SNAP47: variants seen among roughly 807,000 people sequenced by gnomAD.
SNAP47 encodes synaptosomal-associated protein 47.
Under a neutral mutation model 31.4 loss-of-function variants are expected in SNAP47, and 20 were observed. The observed-to-expected ratio is 0.64, with a 90% CI of 0.45 to 0.93. The LOEUF (loss-of-function observed/expected upper bound fraction) is 0.93, where lower values mean the gene tolerates loss of function less well. SNAP47 is among the 40% of genes least tolerant of loss of function. The probability of loss-of-function intolerance (pLI) is 0.00; values close to 1 mark genes in which losing one functional copy is unlikely to be tolerated. For missense variants in SNAP47, 492 were observed against 528.5 expected, an observed-to-expected ratio of 0.93 and a Z score of 0.68; for synonymous variants, 194 against 213.4, an observed-to-expected ratio of 0.91 and a Z score of 0.79.
At chr1:227,733,704 T>C, upstream of SNAP47, 1 of 1,598,972 alleles carries the variant, frequency 6.3e-7, no homozygotes, top group East Asian at 2.2e-5. Flanking sequence ...GAGCGCCTGG[T>C]TCATGCCTGT....
At chr1:227,734,838 A>T, upstream of SNAP47, 2 of 1,613,034 alleles carry the variant, frequency 1.2e-6, no homozygotes, top group Non-Finnish European at 1.7e-6. Context: ...GGCACGGTCC[A>T]TGCCATCTCC....
At chr1:227,755,369 G>A (rs929018307) in intron 2 of SNAP47, among the ~76,000 whole-genome samples, 4 of 151,770 alleles carry the variant, frequency 2.6e-5, no homozygotes, top group African/African-American at 4.9e-5. Context: ...TGTCTGGCTA[G>A]TTTTGTTTTC....
intron 4 of SNAP47, among the ~76,000 whole-genome samples, chr1:227,770,279 G>T (rs1663711968): frequency 6.6e-6 from 1 of 152,224 alleles, no homozygotes; most frequent in African/African-American, 2.4e-5. Flanking sequence ...GCCGAGCCTG[G>T]TGCTGGGACG....
At chr1:227,732,295 GC>G, upstream of SNAP47, 1 of 1,412,012 alleles carries the variant, frequency 7.1e-7, no homozygotes, top group Non-Finnish European at 9.8e-7. Flanking sequence ...ACAGGGGTGG[GC>G]CCCAGGTCAC....
intron 1 of SNAP47, among the ~76,000 whole-genome samples, chr1:227,740,160 G>A (rs1002488179): frequency 6.6e-6 from 1 of 152,230 alleles, no homozygotes; most frequent in Non-Finnish European, 1.5e-5. Flanking sequence ...TTAGGAAGGC[G>A]AGGAAGCCCT....
chr1:227,780,764 G>A lies in SNAP47; in HGVS notation c.*91G>A. 2 of 1,548,402 alleles carry A rather than the reference G, an allele frequency of 1.3e-6. No individual in the cohort carries two copies. The highest frequency in any genetic ancestry group is 8.7e-7 in the Non-Finnish European group (1 of 1,143,394). On this transcript the variant is annotated 3_prime_UTR_variant, in exon 5 of 5. Transcript: ENST00000617596. ...AGTGCCAGGGCTGCAGAGGCCTGTG[G>A]CCCTCCGGAGTGGTCTTCCTCTGGA... is the stretch of plus-strand genomic sequence containing the variant.
intron 2 of SNAP47, among the ~76,000 whole-genome samples, chr1:227,758,591 C>T (rs116441613): frequency 0.01 from 1,548 of 152,328 alleles, 17 homozygotes; most frequent in African/African-American, 0.032. Context: ...GTGCCTGCTA[C>T]AGTATGGACA....
rs144900437 is a variant in SNAP47, at chr1:227,767,702, G to A, written c.1113+619G>A. Among the ~76,000 whole-genome samples the A allele has an allele frequency of 4.4e-3, 664 of 152,278 alleles. 2 individuals are homozygous for A. The highest frequency in any genetic ancestry group is 0.015 in the African/African-American group (626 of 41,552). ...TATGTGCATGTCTTGTGTGTGGAGCGTGCATGTACTGTACATGTATGTGTA... is the reference window on the plus strand; with the variant it reads ...TATGTGCATGTCTTGTGTGTGGAGCATGCATGTACTGTACATGTATGTGTA... On this transcript the variant is annotated intron_variant, in intron 4 of 4. Coordinates refer to ENST00000617596, the MANE Select transcript of SNAP47 (RefSeq NM_053052.4).
intron 2 of SNAP47, among the ~76,000 whole-genome samples, chr1:227,755,061 CCCT>C (rs777428886): frequency 6.6e-6 from 1 of 152,134 alleles, no homozygotes; most frequent in Non-Finnish European, 1.5e-5. Flanking sequence ...CCTCATTATG[CCCT>C]CCTCCTCCTG....
At chr1:227,767,363 T>C (rs1663482013) in intron 4 of SNAP47, among the ~76,000 whole-genome samples, 1 of 152,206 alleles carries the variant, frequency 6.6e-6, no homozygotes, top group Non-Finnish European at 1.5e-5. Flanking sequence ...CCATTGTACA[T>C]GTCCGTGTGT....
intron 4 of SNAP47, among the ~76,000 whole-genome samples, chr1:227,774,216 C>T (rs1329482468): frequency 1.3e-5 from 2 of 152,232 alleles, no homozygotes; most frequent in Non-Finnish European, 1.5e-5. Flanking sequence ...TAGTGCTGTG[C>T]AGGCTGCCTG....
intron 1 of SNAP47, chr1:227,736,502 G>GTTTTTTTTTTTTTTT (rs71180760): frequency 2.3e-5 from 1 of 44,414 alleles, no homozygotes; most frequent in African/African-American, 8.8e-5. Context: ...GCCCAGAGCA[G>GTTTTTTTTTTTTTTT]TTTTTTTTTT....
chr1:227,735,198 C>A (rs781744631), upstream of SNAP47: 63 of 1,582,424 alleles, frequency 4.0e-5, no homozygotes, highest in Non-Finnish European at 5.1e-5. Flanking sequence ...CGGCCCGGAG[C>A]CTGGCCGACG....
intron 2 of SNAP47, among the ~76,000 whole-genome samples, chr1:227,751,862 C>G: frequency 6.9e-6 from 1 of 144,130 alleles, no homozygotes; most frequent in East Asian, 2.2e-4. Context: ...CTCCCGGGTT[C>G]CTGCCATTCT....
intron 4 of SNAP47, among the ~76,000 whole-genome samples, chr1:227,774,383 C>A (rs1196720269): frequency 6.6e-6 from 1 of 151,170 alleles, no homozygotes; most frequent in African/African-American, 2.4e-5. Flanking sequence ...GATGAAAGAG[C>A]AATGCCGGAG....
chr1:227,743,502 C>T (rs1661754683), intron 1 of SNAP47, among the ~76,000 whole-genome samples: 1 of 152,228 alleles, frequency 6.6e-6, no homozygotes, highest in African/African-American at 2.4e-5. Flanking sequence ...CACTGCTGGC[C>T]TCGGCCCCTT....
intron 2 of SNAP47, among the ~76,000 whole-genome samples, chr1:227,752,018 G>C (rs1032361298): frequency 2.0e-5 from 3 of 152,096 alleles, no homozygotes; most frequent in African/African-American, 7.2e-5. Context: ...ACCCGCCTCA[G>C]CCTCCCAAAG....
In SNAP47 at chr1:227,747,987, G is replaced by A. The variant is rs779151249; in HGVS notation, c.251G>A (p.Arg84Gln). 1.3e-5 allele frequency: 21 copies of A among 1,614,070 alleles called. No individual in the cohort carries two copies. Among genetic ancestry groups the A allele is most frequent in the Admixed American group, 5.0e-5 (3 of 60,000 alleles). ...GCCAAGCACTGGTTCAGCTCCCTGC[G>A]GCCAAGTCGAAATGTGGTCTTCAGC... ...GHAKHWFSSL[R>Q]PSRNVVFSII... The change falls in exon 2 of 5, where the codon CGG becomes CAG. Residue 84 changes from arginine (R) to glutamine (Q), a missense_variant. Physicochemically the swap from Arg to Gln is conservative, Grantham distance 43 (BLOSUM62 1). Transcript: ENST00000617596.
chr1:227,771,235 G>C (rs1358058229), intron 4 of SNAP47, among the ~76,000 whole-genome samples: 2 of 152,216 alleles, frequency 1.3e-5, no homozygotes, highest in Admixed American at 6.5e-5. Context: ...TTGGGGGGCT[G>C]TGAGGTTTTG....
Sources: allele counts gnomAD v4.1 joint callset (sites outside exome capture counted in the v4.1 genomes callset), GRCh38; gene constraint gnomAD v4.1.1; transcripts MANE v1.5; gene names NCBI Gene and HGNC (gene_info 2026-07-23, HGNC 2026-07-21).